EIPR1: variants seen among roughly 807,000 people sequenced by gnomAD.
EIPR1 encodes the protein EARP and GARP complex-interacting protein 1.
Under a neutral mutation model 48.1 loss-of-function variants are expected in EIPR1, and 25 were observed. The ratio of observed to expected loss-of-function variants is 0.52; its 90% CI spans 0.38 to 0.73. EIPR1 has a LOEUF of 0.73. EIPR1 is among the 30% of genes least tolerant of loss of function. The pLI, the probability that EIPR1 is intolerant of heterozygous loss-of-function variation, is 0.00. For synonymous variants in EIPR1, 204 were observed against 201.9 expected (o/e 1.01, Z -0.09); for missense variants, 415 against 506.2 (o/e 0.82, Z 1.73).
intron 1 of EIPR1, among the ~76,000 whole-genome samples, chr2:3,365,099 T>G (rs961294696): frequency 6.6e-6 from 1 of 151,838 alleles, no homozygotes. Flanking sequence ...ACCCTGAAAC[T>G]ATATACATTT....
intron 3 of EIPR1, among the ~76,000 whole-genome samples, chr2:3,333,176 G>A (rs1008631553): frequency 6.6e-6 from 1 of 152,154 alleles, no homozygotes; most frequent in African/African-American, 2.4e-5. Context: ...AATAAGTCAC[G>A]AGCTCAGCCA....
chr2:3,292,486 AGCCG>A (rs1668400106), intron 3 of EIPR1, among the ~76,000 whole-genome samples: 1 of 152,190 alleles, frequency 6.6e-6, no homozygotes, highest in Non-Finnish European at 1.5e-5. Context: ...CCTCACAGAC[AGCCG>A]GCTCTGCGCA....
chr2:3,369,571 C>G (rs866669691), intron 1 of EIPR1, among the ~76,000 whole-genome samples: 4 of 152,232 alleles, frequency 2.6e-5, no homozygotes, highest in Admixed American at 1.3e-4. Context: ...AAACAGCGCA[C>G]CAGGAGATTA....
At chr2:3,213,919 T>G (rs1194325246) in intron 5 of EIPR1, among the ~76,000 whole-genome samples, 1 of 152,200 alleles carries the variant, frequency 6.6e-6, no homozygotes, top group Non-Finnish European at 1.5e-5. Context: ...GTTACATATG[T>G]ATACATGTGC....
intron 4 of EIPR1, among the ~76,000 whole-genome samples, chr2:3,245,395 T>G (rs903952723): frequency 6.6e-6 from 1 of 152,136 alleles, no homozygotes; most frequent in Non-Finnish European, 1.5e-5. Context: ...GTATTTTTAG[T>G]AGGGACAGGA....
At chr2:3,233,169 C>A (rs992687480) in intron 4 of EIPR1, among the ~76,000 whole-genome samples, 3 of 152,050 alleles carry the variant, frequency 2.0e-5, no homozygotes, top group African/African-American at 7.2e-5. Flanking sequence ...TCATTACTTA[C>A]AAACATGTGA....
chr2:3,225,965 C>T (rs1666052220), intron 4 of EIPR1, among the ~76,000 whole-genome samples: 1 of 152,200 alleles, frequency 6.6e-6, no homozygotes, highest in Admixed American at 6.5e-5. Context: ...AACGGCAGGA[C>T]GGCCTTCTTT....
At chr2:3,332,179 GT>G (rs1572454214) in intron 3 of EIPR1, among the ~76,000 whole-genome samples, 1 of 152,252 alleles carries the variant, frequency 6.6e-6, no homozygotes, top group Non-Finnish European at 1.5e-5. Flanking sequence ...CAAAGTTGGG[GT>G]TTTTTAATGT....
intron 3 of EIPR1, among the ~76,000 whole-genome samples, chr2:3,336,885 AAGGG>A (rs1670067626): frequency 1.5e-5 from 1 of 68,144 alleles, no homozygotes; most frequent in Non-Finnish European, 3.2e-5. Context: ...GGGAAGGGAA[AAGGG>A]AAGGGAAGGG....
intron 3 of EIPR1, among the ~76,000 whole-genome samples, chr2:3,264,552 G>A (rs1048264478): frequency 1.3e-5 from 2 of 152,188 alleles, no homozygotes; most frequent in African/African-American, 2.4e-5. Flanking sequence ...GGCTTCCTCC[G>A]GGCAGGACAG....
intron 4 of EIPR1, among the ~76,000 whole-genome samples, chr2:3,225,921 CATA>C (rs1343593022): frequency 1.3e-5 from 2 of 152,230 alleles, no homozygotes; most frequent in African/African-American, 2.4e-5. Flanking sequence ...TTTTACTTAG[CATA>C]ATGTCCTCCA....
intron 3 of EIPR1, among the ~76,000 whole-genome samples, chr2:3,302,237 G>T (rs1668783598): frequency 6.6e-6 from 1 of 152,126 alleles, no homozygotes; most frequent in Admixed American, 6.5e-5. Flanking sequence ...GTGCCTCTGG[G>T]CCAATGTCTA....
intron 4 of EIPR1, among the ~76,000 whole-genome samples, chr2:3,251,970 A>C (rs1189931708): frequency 6.6e-6 from 1 of 152,206 alleles, no homozygotes; most frequent in Non-Finnish European, 1.5e-5. Flanking sequence ...GAGTAATTCC[A>C]GATACCTTTA....
chr2:3,335,684 G>A (rs1042120393), intron 3 of EIPR1, among the ~76,000 whole-genome samples: 8 of 152,166 alleles, frequency 5.3e-5, no homozygotes, highest in African/African-American at 1.9e-4. Flanking sequence ...GAGATGACTG[G>A]ATCACAGGGT....
chr2:3,197,499 C>T (rs1018399604), intron 5 of EIPR1, among the ~76,000 whole-genome samples: 1 of 152,194 alleles, frequency 6.6e-6, no homozygotes, highest in African/African-American at 2.4e-5. Flanking sequence ...GGCATTTAAT[C>T]AGACCACCCC....
intron 4 of EIPR1, among the ~76,000 whole-genome samples, chr2:3,229,490 T>C (rs1419013351): frequency 1.3e-5 from 2 of 152,236 alleles, no homozygotes; most frequent in Non-Finnish European, 2.9e-5. Context: ...TGCCAATAAA[T>C]TTCTTCACTG....
rs572231173 is a variant in EIPR1, at chr2:3,209,051, C to T, written c.516+5098G>A. ...CTGACCAGCACCATCTTTTCCGGGA[C>T]GCCTGCTGGTGGGAAGGCAGGGTGT... On this transcript the variant is annotated intron_variant, in intron 5 of 8. Transcript: ENST00000382125. 1.1e-4 allele frequency: 162 copies of T among 1,437,578 alleles called. No individual in the cohort carries two copies. The Admixed American group carries it at 1.2e-3, about 11-fold the overall frequency. 89.1% of individuals were successfully genotyped at this position (1,437,578 alleles called of 1,614,324 possible).
intron 4 of EIPR1, among the ~76,000 whole-genome samples, chr2:3,228,912 T>C (rs1218281329): frequency 1.3e-5 from 2 of 152,220 alleles, no homozygotes; most frequent in Non-Finnish European, 2.9e-5. Context: ...GAACTGTGAG[T>C]TAAGCCCTTT....
In EIPR1 at chr2:3,336,746, C is replaced by T. The variant is rs1221389521; in HGVS notation, c.259+1271G>A. On this transcript the variant is annotated intron_variant, in intron 3 of 8. Coordinates refer to ENST00000382125, the MANE Select transcript of EIPR1 (RefSeq NM_003310.5). ...TTGCACCACTGCACTCCAGCCTGGG[C>T]GACAGAGTGAGACTCTGTCAAGAAA... 6.8e-5 allele frequency among the ~76,000 whole-genome samples: 9 copies of T among 133,316 alleles called. No homozygotes were observed. The South Asian group carries it at 1.2e-3, about 18-fold the overall frequency. The allele number at this position is 133,316 out of a possible 152,430, so 87.5% of individuals were successfully genotyped here.
Sources: gnomAD v4.1 joint callset for allele counts (sites outside exome capture counted in the v4.1 genomes callset) on GRCh38, gnomAD v4.1.1 for gene constraint, MANE v1.5 for transcripts, NCBI Gene and HGNC (gene_info 2026-07-23, HGNC 2026-07-21) for gene names.